Variants in ZNF454 observed in about 807,000 individuals in gnomAD.
ZNF454 encodes zinc finger protein 454.
Under a neutral mutation model 48.2 loss-of-function variants are expected in ZNF454, and 30 were observed. The ratio of observed to expected loss-of-function variants is 0.62; its 90% confidence interval spans 0.47 to 0.84. ZNF454 has a LOEUF of 0.84. Among genes scored for constraint, ZNF454 ranks in the 40% least tolerant of loss-of-function variants. The pLI is 0.00. For synonymous variants in ZNF454, 204 were observed against 211.4 expected (o/e 0.97, Z 0.30); for missense variants, 510 against 623.1 (o/e 0.82, Z 1.93).
the ZNF454 span, chr5:178,986,763 A>C: frequency 6.2e-7 from 1 of 1,609,556 alleles, no homozygotes. Flanking sequence ...CCTGGGACGC[A>C]CAAAACACAG....
At chr5:178,987,318 T>C in the ZNF454 span, 1 of 504,400 alleles carries the variant, frequency 2.0e-6, no homozygotes, top group South Asian at 1.5e-5. Flanking sequence ...GGGTAGATAC[T>C]CGAGAGACTA....
chr5:178,971,923 T>A, the ZNF454 span, among the ~76,000 whole-genome samples: 1 of 151,904 alleles, frequency 6.6e-6, no homozygotes, highest in East Asian at 1.9e-4. Context: ...AAAAGGTTTG[T>A]TTTTTGTTTG....
At chr5:178,971,969 T>C in the ZNF454 span, among the ~76,000 whole-genome samples, 1 of 152,206 alleles carries the variant, frequency 6.6e-6, no homozygotes, top group Non-Finnish European at 1.5e-5. Flanking sequence ...AGTCTCACTC[T>C]GTCACCCAGT....
At chr5:178,968,105 TCACACA>T (rs3031585), downstream of ZNF454, among the ~76,000 whole-genome samples, 1,295 of 144,936 alleles carry the variant, frequency 8.9e-3, 12 homozygotes, top group African/African-American at 0.022. Context: ...CATCTGTGCA[TCACACA>T]CACACACACA....
chr5:178,952,435 TTTA>T (rs1320158522), intron 4 of ZNF454, among the ~76,000 whole-genome samples: 1 of 152,228 alleles, frequency 6.6e-6, no homozygotes, highest in Non-Finnish European at 1.5e-5. Flanking sequence ...TTTGTATTCG[TTTA>T]TAGGAGCTCT....
Position 178,946,207 on chromosome 5 carries a change from T to A in ZNF454, c.34-152T>A. On this transcript the variant is annotated intron_variant, in intron 2 of 4. Coordinates refer to ENST00000519564, the MANE Select transcript of ZNF454 (RefSeq NM_001178089.3). The surrounding 1 kb of genome is among the most constrained non-coding windows in gnomAD (Gnocchi z 4.5). ...CCAAGGCTAGGCCCCTAGGAGACCC[T>A]GAAGAGTGATGAACTTGTCACAGAA... 1.0e-6 allele frequency: 1 copy of A among 962,296 alleles called. No individual in the cohort carries two copies. The highest frequency in any genetic ancestry group is 1.5e-6 in the Non-Finnish European group (1 of 652,628). 59.6% of individuals were successfully genotyped at this position (962,296 alleles called of 1,614,324 possible).
chr5:178,988,870 C>A, the ZNF454 span: 4 of 1,359,088 alleles, frequency 2.9e-6, no homozygotes, highest in African/African-American at 4.3e-5. The surrounding 1 kb of genome is among the most constrained non-coding windows in gnomAD (Gnocchi z 6.0). Context: ...TTGTCCCAGG[C>A]CTCACAGCAA....
At chr5:178,964,017 G>A (rs980392025) in intron 4 of ZNF454, among the ~76,000 whole-genome samples, 1 of 151,610 alleles carries the variant, frequency 6.6e-6, no homozygotes, top group Non-Finnish European at 1.5e-5. Context: ...TTAGCATCAT[G>A]TGGTCTTTAT....
chr5:178,973,924 A>C, the ZNF454 span, among the ~76,000 whole-genome samples: 1 of 152,120 alleles, frequency 6.6e-6, no homozygotes, highest in East Asian at 1.9e-4. Context: ...TTTATATATC[A>C]GTGTGTACAT....
chr5:178,964,742 G>T lies in ZNF454; in HGVS notation c.338G>T (p.Arg113Ile). The T allele has an allele frequency of 6.2e-7, 1 of 1,614,232 alleles. No individual in the cohort carries two copies. The highest frequency in any genetic ancestry group is 8.5e-7 in the Non-Finnish European group (1 of 1,180,040). Residue 113 changes from arginine to isoleucine, a missense_variant, in exon 5 of 5, where the codon AGA (arginine) becomes ATA (isoleucine). Transcript: ENST00000519564. ...TTGGATCAATGGACAATAAAGGAAA[G>T]ATTCAGTAGCAGTAGTCACTGGAAG... is the stretch of plus-strand genomic sequence containing the variant. Reference protein sequence around the residue: ...EELDQWTIKERFSSSSHWKCA... With the variant: ...EELDQWTIKEIFSSSSHWKCA...
Position 178,946,989 on chromosome 5 carries a change from A to G in ZNF454, c.250+3A>G, listed in dbSNP as rs1759363944. On this transcript the variant is annotated splice_donor_region_variant and intron_variant, in intron 4 of 4. Transcript: ENST00000519564. This position sits in a 1 kb window ranked among gnomAD's most constrained non-coding sequence, Gnocchi z 4.5. ...CACCCCTGGAGGCTTCTGTCTTGGT[A>G]AGAATCATGTGTGTGGGAGACACCG... The G allele has an allele frequency of 6.2e-7, 1 of 1,613,296 alleles. No homozygotes were observed. Among genetic ancestry groups the G allele is most frequent in the Non-Finnish European group, 8.5e-7 (1 of 1,179,646 alleles).
intron 4 of ZNF454, among the ~76,000 whole-genome samples, chr5:178,952,226 A>G (rs778364889): frequency 4.9e-4 from 75 of 151,946 alleles, no homozygotes; most frequent in Non-Finnish European, 9.0e-4. Context: ...TTTAGTAGAG[A>G]CGGGGTTTCA....
chr5:178,955,855 C>A (rs547283838), intron 4 of ZNF454, among the ~76,000 whole-genome samples: 2 of 152,160 alleles, frequency 1.3e-5, no homozygotes, highest in South Asian at 4.1e-4. Flanking sequence ...GCTTTCTTCT[C>A]TTTGGTGGCT....
chr5:178,965,148 A>T lies in ZNF454; in HGVS notation c.744A>T (p.Glu248Asp). ...HTGEKPYECK[E>D]CGKAFSVSSS... ...GCGAGAAACCCTATGAATGTAAGGA[A>T]TGTGGCAAGGCCTTCTCAGTGAGCT... The change falls in exon 5 of 5, where the codon GAA becomes GAT. Residue 248 changes from glutamate (E) to aspartate (D), a missense_variant. Coordinates refer to ENST00000519564, the MANE Select transcript of ZNF454 (RefSeq NM_001178089.3). The surrounding 1 kb of genome is among the most constrained non-coding windows in gnomAD (Gnocchi z 5.2). The T allele has an allele frequency of 6.2e-7, 1 of 1,614,232 alleles. No individual in the cohort carries two copies. The highest frequency in any genetic ancestry group is 1.3e-5 in the African/African-American group (1 of 75,058).
chr5:178,973,614 C>T, the ZNF454 span, among the ~76,000 whole-genome samples: 1 of 152,044 alleles, frequency 6.6e-6, no homozygotes, highest in Non-Finnish European at 1.5e-5. Flanking sequence ...GAGGCCGAAG[C>T]GGGCGGATCA....
At chr5:178,967,381 A>G (rs1760179356), downstream of ZNF454, among the ~76,000 whole-genome samples, 1 of 152,234 alleles carries the variant, frequency 6.6e-6, no homozygotes, top group East Asian at 1.9e-4. Context: ...CACTGTGTCC[A>G]CTGCATTAGA....
the ZNF454 span, chr5:178,983,459 G>A: frequency 1.7e-5 from 12 of 690,838 alleles, no homozygotes; most frequent in Middle Eastern, 2.3e-4. Context: ...TGCGGAGAAG[G>A]GCTGTGCCGC....
downstream of ZNF454, among the ~76,000 whole-genome samples, chr5:178,967,229 C>T (rs1434521659): frequency 6.6e-6 from 1 of 152,124 alleles, no homozygotes; most frequent in Non-Finnish European, 1.5e-5. Flanking sequence ...TGCAATGATC[C>T]CACCCACTTA....
At chr5:178,952,843 GTTTAT>G (rs1759612171) in intron 4 of ZNF454, among the ~76,000 whole-genome samples, 1 of 150,958 alleles carries the variant, frequency 6.6e-6, no homozygotes, top group Non-Finnish European at 1.5e-5. Flanking sequence ...TTCTATTTTT[GTTTAT>G]TTTATTAATT....
Sources: gnomAD v4.1 joint callset for allele counts (sites outside exome capture counted in the v4.1 genomes callset) on GRCh38, gnomAD v4.1.1 for gene constraint, Gnocchi (gnomAD v3.1) non-coding constraint, MANE v1.5 for transcripts, NCBI Gene and HGNC (gene_info 2026-07-23, HGNC 2026-07-21) for gene names.